The following CNIH3 variants were observed in gnomAD, a reference collection of about 807,000 sequenced individuals.
CNIH3 encodes the protein cornichon family AMPA receptor auxiliary protein 3.
Under a neutral mutation model 24.1 loss-of-function variants are expected in CNIH3, and 14 were observed. That is an observed-to-expected ratio of 0.58 (90% CI 0.38 to 0.91). CNIH3 has a LOEUF of 0.91. Among genes scored for constraint, CNIH3 ranks in the 40% least tolerant of loss-of-function variants. CNIH3 has a pLI of 0.00. For synonymous variants in CNIH3, 68 were observed against 73.8 expected (o/e 0.92, Z 0.40); for missense variants, 178 against 196.8 (o/e 0.90, Z 0.57).
At chr1:224,653,527 G>A (rs1005126923) in intron 1 of CNIH3, among the ~76,000 whole-genome samples, 19 of 151,826 alleles carry the variant, frequency 1.3e-4, no homozygotes, top group African/African-American at 4.4e-4. Flanking sequence ...TGGTGTTTTC[G>A]ATGAGGAGCA....
chr1:224,553,553 G>A (rs1680013548), intron 3 of CNIH3, among the ~76,000 whole-genome samples: 1 of 151,980 alleles, frequency 6.6e-6, no homozygotes, highest in African/African-American at 2.4e-5. Flanking sequence ...ATTCCTTTTA[G>A]ATTGTGGGCA....
intron 3 of CNIH3, among the ~76,000 whole-genome samples, chr1:224,557,988 T>G (rs192513893): frequency 1.5e-4 from 23 of 152,330 alleles, no homozygotes; most frequent in African/African-American, 5.3e-4. Flanking sequence ...GTCTCACCAC[T>G]AAGAGGAAGA....
chr1:224,434,782 C>G, exon 1 of CNIH3: 1 of 986,410 alleles, frequency 1.0e-6, no homozygotes, highest in Middle Eastern at 5.2e-4. Flanking sequence ...GATTCTTCCC[C>G]CAGCTGCTGC....
chr1:224,666,105 T>G (rs114463469), intron 1 of CNIH3, among the ~76,000 whole-genome samples: 122 of 152,284 alleles, frequency 8.0e-4, no homozygotes, highest in African/African-American at 2.6e-3. Context: ...TGTGCTAATT[T>G]TGCACATGAG....
rs565301930 is a variant in CNIH3 at position 224,617,095 on chromosome 1, G to C, written c.-80G>C. The C allele has an allele frequency of 1.4e-4, 215 of 1,573,998 alleles. 1 individual carries two copies. In the East Asian group the frequency reaches 4.5e-3, roughly 33 times the overall value. ...AGGAGCGTGCAGACGCGGCTCCTTG[G>C]AGGGAGTGCGGTCCTCTAGGGAGGC... is the stretch of plus-strand genomic sequence containing the variant. On this transcript the variant is annotated 5_prime_UTR_variant, in exon 1 of 6. Transcript: ENST00000272133.
At chr1:224,680,830 G>A in intron 1 of CNIH3, 128 bp from the exon 2 acceptor site, 1 of 696,042 alleles carries the variant, frequency 1.4e-6, no homozygotes, top group Non-Finnish European at 2.6e-6. Flanking sequence ...CCAGCTGCTG[G>A]CCAATCTCAT....
intron 1 of CNIH3, among the ~76,000 whole-genome samples, chr1:224,630,087 G>A (rs899511258): frequency 6.6e-6 from 1 of 152,134 alleles, no homozygotes; most frequent in Non-Finnish European, 1.5e-5. Flanking sequence ...GAAGAGAGTA[G>A]CGGTGTTTCC....
intron 1 of CNIH3, among the ~76,000 whole-genome samples, chr1:224,674,412 T>TGA (rs1230600353): frequency 6.7e-6 from 1 of 149,656 alleles, no homozygotes; most frequent in East Asian, 2.0e-4. Flanking sequence ...GACAGAAGCA[T>TGA]GAGATGCTTT....
chr1:224,446,504 G>A (rs888765127), intron 1 of CNIH3, among the ~76,000 whole-genome samples: 6 of 151,872 alleles, frequency 4.0e-5, no homozygotes, highest in South Asian at 2.1e-4. Context: ...CCTAGGTATC[G>A]GATGTTTTTT....
intron 1 of CNIH3, among the ~76,000 whole-genome samples, chr1:224,499,191 A>ATTT (rs1202214122): frequency 1.3e-5 from 2 of 152,258 alleles, no homozygotes; most frequent in African/African-American, 4.8e-5. Flanking sequence ...TTGTTTTAAA[A>ATTT]TTAAAAATTT....
At chr1:224,730,658 A>G (rs935385299) in intron 4 of CNIH3, 84 bp downstream of exon 4, 58 of 782,982 alleles carry the variant, frequency 7.4e-5, no homozygotes, top group Non-Finnish European at 1.1e-4. Flanking sequence ...CCAAATAGAC[A>G]GCTTCTATTG....
chr1:224,494,053 A>G (rs374543862), intron 1 of CNIH3, among the ~76,000 whole-genome samples: 9 of 152,334 alleles, frequency 5.9e-5, no homozygotes, highest in African/African-American at 1.9e-4. Flanking sequence ...AATCAGTAAT[A>G]ATGTCTTTCA....
In CNIH3 at chr1:224,714,460, C is replaced by A. The variant is rs557571194; in HGVS notation, c.199-16002C>A. On this transcript the variant is annotated intron_variant, in intron 3 of 5. Coordinates refer to ENST00000272133, the MANE Select transcript of CNIH3 (RefSeq NM_152495.2). ...GTGTGCTGGCTGTTTCCTTTGCTCT[C>A]TTCAAGGGAGCAAATATGCACATGG... Among the ~76,000 whole-genome samples, 124 of 152,312 alleles carry A rather than the reference C, an allele frequency of 8.1e-4. 2 individuals are homozygous for A. The highest frequency in any genetic ancestry group is 1.5e-3 in the Non-Finnish European group (105 of 68,036).
chr1:224,609,641 C>T (rs569875072), intron 3 of CNIH3, among the ~76,000 whole-genome samples: 70 of 152,268 alleles, frequency 4.6e-4, no homozygotes, highest in Non-Finnish European at 9.4e-4. Context: ...GGGGAAAATA[C>T]TGTTTAGGAG....
At chr1:224,464,683 T>C (rs1017737890) in intron 1 of CNIH3, among the ~76,000 whole-genome samples, 2 of 152,250 alleles carry the variant, frequency 1.3e-5, no homozygotes, top group African/African-American at 4.8e-5. Context: ...TTTATCTATT[T>C]TCCTTATTTA....
chr1:224,725,506 G>T (rs543744448), intron 3 of CNIH3, among the ~76,000 whole-genome samples: 1 of 152,280 alleles, frequency 6.6e-6, no homozygotes, highest in East Asian at 1.9e-4. Context: ...TGTCTGAGTC[G>T]ACAGGGGCAT....
intron 1 of CNIH3, among the ~76,000 whole-genome samples, chr1:224,473,454 T>G (rs1254883171): frequency 1.3e-5 from 2 of 152,138 alleles, no homozygotes; most frequent in African/African-American, 4.8e-5. Context: ...GAAATACACT[T>G]CACCACTTCT....
At chr1:224,686,786 C>T (rs1187943916) in intron 3 of CNIH3, among the ~76,000 whole-genome samples, 4 of 152,224 alleles carry the variant, frequency 2.6e-5, no homozygotes, top group African/African-American at 9.6e-5. Flanking sequence ...GGCCAAGGTC[C>T]TGTGGCCCAC....
upstream of CNIH3, chr1:224,615,530 A>G (rs1219274286): frequency 6.6e-6 from 1 of 151,908 alleles, no homozygotes; most frequent in East Asian, 1.9e-4. Flanking sequence ...AAATGGCTTG[A>G]CTCTACTCTT....
Sources: gnomAD v4.1 joint callset for allele counts (sites outside exome capture counted in the v4.1 genomes callset) on GRCh38, gnomAD v4.1.1 for gene constraint, MANE v1.5 for transcripts, NCBI Gene and HGNC (gene_info 2026-07-23, HGNC 2026-07-21) for gene names.